The following PARP8 variants were observed in gnomAD, a reference collection of about 807,000 sequenced individuals.
PARP8 encodes protein mono-ADP-ribosyltransferase PARP8.
PARP8 carries 51 observed loss-of-function variants against 124.1 expected under a neutral mutation model. That is an observed-to-expected ratio of 0.41 (90% CI 0.33 to 0.52). The LOEUF is 0.52. Ranked by LOEUF, PARP8 falls within the 20% of genes least tolerant of loss-of-function variation. PARP8 has a pLI of 0.21. For missense variants in PARP8, 860 were observed against 1,018.9 expected (o/e 0.84, Z 2.12); for synonymous variants, 391 against 361.5 (o/e 1.08, Z -0.93).
chr5:50,779,149 G>T (rs115723362), intron 9 of PARP8, among the ~76,000 whole-genome samples: 2,171 of 151,710 alleles, frequency 0.014, 61 homozygotes, highest in African/African-American at 0.049. Flanking sequence ...AAATTTACTT[G>T]GTAAAATGTT....
At chr5:50,712,977 A>G (rs1203659997) in intron 2 of PARP8, among the ~76,000 whole-genome samples, 1 of 152,052 alleles carries the variant, frequency 6.6e-6, no homozygotes, top group African/African-American at 2.4e-5. Context: ...AATAACAACT[A>G]AAATTTATTC....
intron 3 of PARP8, among the ~76,000 whole-genome samples, chr5:50,759,066 A>G (rs925656975): frequency 7.9e-5 from 12 of 152,112 alleles, no homozygotes; most frequent in African/African-American, 2.4e-4. Context: ...GAATGATTTG[A>G]TAATGAATCT....
intron 2 of PARP8, among the ~76,000 whole-genome samples, chr5:50,732,269 G>A (rs16884728): frequency 0.14 from 21,254 of 152,048 alleles, 1,558 homozygotes; most frequent in East Asian, 0.19. Flanking sequence ...TTAGAATCTG[G>A]AAAAATGAAT....
At chr5:50,714,114 A>T (rs1755058763) in intron 2 of PARP8, among the ~76,000 whole-genome samples, 1 of 148,994 alleles carries the variant, frequency 6.7e-6, no homozygotes, top group Non-Finnish European at 1.5e-5. Context: ...AGAATTCATC[A>T]AGCACAAAGT....
chr5:50,709,669 T>C (rs1008287738), intron 2 of PARP8, among the ~76,000 whole-genome samples: 3 of 151,886 alleles, frequency 2.0e-5, no homozygotes, highest in African/African-American at 7.2e-5. Context: ...TTACAGTGTC[T>C]TCACTCTGAC....
intron 2 of PARP8, among the ~76,000 whole-genome samples, chr5:50,703,174 A>T (rs1753769424): frequency 1.3e-5 from 2 of 151,608 alleles, no homozygotes; most frequent in African/African-American, 2.4e-5. Context: ...GGCAGCCTGC[A>T]CCTTAAGTCC....
intron 2 of PARP8, among the ~76,000 whole-genome samples, chr5:50,672,267 C>G (rs568731799): frequency 2.6e-5 from 4 of 152,234 alleles, no homozygotes; most frequent in Non-Finnish European, 4.4e-5. Context: ...GTCTGTTTGA[C>G]TGTGAGCCTC....
At chr5:50,810,975 T>A (rs1296999937) in intron 14 of PARP8, among the ~76,000 whole-genome samples, 2 of 152,062 alleles carry the variant, frequency 1.3e-5, no homozygotes, top group Non-Finnish European at 2.9e-5. Context: ...TTACTTCTCG[T>A]TTTTTAGTAT....
intron 3 of PARP8, among the ~76,000 whole-genome samples, chr5:50,758,347 C>G (rs1760188137): frequency 6.6e-6 from 1 of 152,136 alleles, no homozygotes; most frequent in African/African-American, 2.4e-5. Context: ...AATTCATATC[C>G]ATTCCTGCTT....
intron 2 of PARP8, among the ~76,000 whole-genome samples, chr5:50,673,770 A>C (rs1257877485): frequency 6.6e-6 from 1 of 152,210 alleles, no homozygotes; most frequent in East Asian, 1.9e-4. Context: ...ATAGTTGGAA[A>C]ATTATGTACG....
At chr5:50,674,959 A>G (rs1750446506) in intron 2 of PARP8, among the ~76,000 whole-genome samples, 1 of 152,276 alleles carries the variant, frequency 6.6e-6, no homozygotes, top group Admixed American at 6.5e-5. Flanking sequence ...ATGAGAATGT[A>G]AATAGATTTA....
intron 2 of PARP8, among the ~76,000 whole-genome samples, chr5:50,703,892 CT>C (rs959900148): frequency 1.6e-3 from 231 of 144,796 alleles, no homozygotes; most frequent in Middle Eastern, 3.6e-3. Flanking sequence ...AAATGAGACC[CT>C]TTTTTTTTTT....
chr5:50,673,468 C>T (rs183235405), intron 2 of PARP8, among the ~76,000 whole-genome samples: 2 of 152,092 alleles, frequency 1.3e-5, no homozygotes, highest in Non-Finnish European at 1.5e-5. Flanking sequence ...TGCTTTATCC[C>T]GTGTTTCCAA....
rs1748463331 is a variant in PARP8, at chr5:50,844,450, C to G, written c.*2382C>G. 1 of 151,796 alleles carries G rather than the reference C, an allele frequency of 6.6e-6. No individual in the cohort carries two copies. The highest frequency in any genetic ancestry group is 2.4e-5 in the African/African-American group (1 of 41,400). The allele number at this position is 151,796 out of a possible 1,614,324, so 9.4% of individuals were successfully genotyped here. A position where few individuals can be genotyped will look rare whatever the true frequency, so the allele number is the denominator to read the frequency against. On this transcript the variant is annotated 3_prime_UTR_variant, in exon 26 of 26. Transcript: ENST00000281631. ...ATCTAATTTCAATTACTACCATTAA[C>G]ATATAAATGTGCTTCCAAAATCCAA...
At chr5:50,760,498 G>A (rs1359109268) in intron 5 of PARP8, 136 bp downstream of exon 5, 1 of 684,414 alleles carries the variant, frequency 1.5e-6, no homozygotes, top group African/African-American at 1.9e-5. Context: ...ATGGCTCAGG[G>A]GTGTTTGGTA....
intron 25 of PARP8, among the ~76,000 whole-genome samples, chr5:50,837,332 A>T (rs1288495545): frequency 6.6e-6 from 1 of 152,178 alleles, no homozygotes; most frequent in East Asian, 1.9e-4. Context: ...CTGTTTCATT[A>T]ATATGCATTC....
chr5:50,757,693 T>G (rs1421504337), intron 3 of PARP8, among the ~76,000 whole-genome samples: 1 of 152,194 alleles, frequency 6.6e-6, no homozygotes, highest in Non-Finnish European at 1.5e-5. Context: ...GAATCAAATC[T>G]CACTGTCTTC....
Position 50,667,137 on chromosome 5 carries a change from C to A in PARP8, c.42C>A (p.Ile14=), listed in dbSNP as rs1180440393. The A allele has an allele frequency of 6.3e-7, 1 of 1,596,300 alleles. No homozygotes were observed. Among genetic ancestry groups the A allele is most frequent in the Admixed American group, 1.7e-5 (1 of 60,012 alleles). The change falls in exon 1 of 26, where the codon ATC becomes ATA. Residue 14 remains isoleucine, a synonymous_variant. Coordinates refer to ENST00000281631, the MANE Select transcript of PARP8 (RefSeq NM_024615.4). The part of the protein sequence containing the change: ...CSRQERIQKD[I]DVVIQKSRAE... ...GGCAAGAGCGAATTCAGAAGGATATCGACGTCGTGATCCAGAAGTCCAGAG... is the reference window on the plus strand; with the variant it reads ...GGCAAGAGCGAATTCAGAAGGATATAGACGTCGTGATCCAGAAGTCCAGAG...
At chr5:50,803,677 C>T (rs112496503) in intron 14 of PARP8, among the ~76,000 whole-genome samples, 4 of 152,038 alleles carry the variant, frequency 2.6e-5, no homozygotes, top group African/African-American at 9.6e-5. Context: ...TAAATTGATA[C>T]TCTCTGTTGA....
Sources: allele counts gnomAD v4.1 joint callset (sites outside exome capture counted in the v4.1 genomes callset), GRCh38; gene constraint gnomAD v4.1.1; transcripts MANE v1.5; gene names NCBI Gene and HGNC (gene_info 2026-07-23, HGNC 2026-07-21).